The following PACS1 variants were observed in gnomAD, a reference collection of about 807,000 sequenced individuals.
PACS1 encodes phosphofurin acidic cluster sorting protein 1, also known as PACS-1.
In PACS1, 24 loss-of-function variants were observed where a neutral mutation model predicts 115.0. The ratio of observed to expected loss-of-function variants is 0.21; its 90% CI spans 0.15 to 0.29. The LOEUF (loss-of-function observed/expected upper bound fraction) is 0.29, where lower values mean the gene tolerates loss of function less well. Ranked by LOEUF, PACS1 falls within the 10% of genes least tolerant of loss-of-function variation. PACS1 has a pLI of 1.00. For synonymous variants in PACS1, 453 were observed against 504.5 expected (o/e 0.90, Z 1.37); for missense variants, 838 against 1,251.2 (o/e 0.67, Z 4.98).
At position 66,193,510 on chromosome 11, in the gene PACS1, A is replaced by G. The variant is rs116434069; in HGVS notation, c.381A>G (p.Lys127=). The G allele has an allele frequency of 8.1e-6, 13 of 1,613,322 alleles. No homozygotes were observed. The South Asian group carries it at 1.2e-4, about 15-fold the overall frequency. Reference sequence around the variant, plus strand: ...GGCTATTCAGCTTGACCCTGAAGAAACTCGTCATGCTAAAAGAAATGGACA... The same window carrying G: ...GGCTATTCAGCTTGACCCTGAAGAAGCTCGTCATGCTAAAAGAAATGGACA... ...VPRLFSLTLK[K]LVMLKEMDKD... Residue 127 remains lysine, a synonymous_variant, in exon 2 of 24, where the codon AAA becomes AAG. Coordinates refer to ENST00000320580, the MANE Select transcript of PACS1 (RefSeq NM_018026.4).
At chr11:66,087,903 G>T (rs533176469) in intron 1 of PACS1, among the ~76,000 whole-genome samples, 59 of 150,026 alleles carry the variant, frequency 3.9e-4, no homozygotes, top group South Asian at 1.3e-3. Context: ...TTGTTTTTTG[G>T]TTTTTTTTTG....
chr11:66,071,801 T>C (rs1857313897), intron 1 of PACS1, among the ~76,000 whole-genome samples: 1 of 152,208 alleles, frequency 6.6e-6, no homozygotes, highest in Non-Finnish European at 1.5e-5. Flanking sequence ...CAGACGGATG[T>C]GTAAGTCAGA....
chr11:66,151,116 A>G (rs1383564895), intron 1 of PACS1, among the ~76,000 whole-genome samples: 5 of 152,010 alleles, frequency 3.3e-5, no homozygotes, highest in Non-Finnish European at 7.4e-5. Context: ...TGACTATTAA[A>G]CTCTAAATGT....
At chr11:66,220,466 C>G in intron 8 of PACS1, 165 bp from the exon 9 acceptor site, 1 of 656,794 alleles carries the variant, frequency 1.5e-6, no homozygotes, top group Non-Finnish European at 2.6e-6. Context: ...TCCCCGCCCT[C>G]AGGCTGGATC....
chr11:66,114,701 A>T (rs1858265035), intron 1 of PACS1, among the ~76,000 whole-genome samples: 1 of 152,142 alleles, frequency 6.6e-6, no homozygotes, highest in Non-Finnish European at 1.5e-5. Context: ...TGCCTCACTG[A>T]TACTGTAATG....
intron 1 of PACS1, among the ~76,000 whole-genome samples, chr11:66,131,335 T>C (rs1858698827): frequency 1.3e-5 from 2 of 152,348 alleles, no homozygotes; most frequent in South Asian, 4.1e-4. Context: ...AACTCACATT[T>C]CTCTGATTAC....
intron 1 of PACS1, among the ~76,000 whole-genome samples, chr11:66,157,434 T>A (rs780001905): frequency 4.0e-5 from 6 of 151,710 alleles, no homozygotes; most frequent in Non-Finnish European, 7.4e-5. Flanking sequence ...ATGTGGGCCA[T>A]GTTCTGAGAT....
At position 66,165,707 on chromosome 11, in the gene PACS1, C is replaced by A. The variant is rs556772884; in HGVS notation, c.357-27779C>A. 1.5e-3 allele frequency among the ~76,000 whole-genome samples: 219 copies of A among 147,460 alleles called. 2 individuals carry two copies. The highest frequency in any genetic ancestry group is 5.4e-3 in the African/African-American group (215 of 39,682). ...TTGGAGTTTTTCTATTTGCCCCATA[C>A]CCTGTGGGTATTTATATATATATGT... On this transcript the variant is annotated intron_variant, in intron 1 of 23. Transcript: ENST00000320580.
intron 1 of PACS1, among the ~76,000 whole-genome samples, chr11:66,184,487 C>T (rs186437866): frequency 1.5e-4 from 23 of 152,274 alleles, no homozygotes; most frequent in African/African-American, 4.3e-4. Flanking sequence ...CCTACAGTCA[C>T]GTATAAACTA....
rs777862656 is a variant in PACS1, at chr11:66,232,183, G to A, written c.1638G>A (p.Lys546=). The A allele has an allele frequency of 6.2e-7, 1 of 1,611,462 alleles. No individual in the cohort carries two copies. The highest frequency in any genetic ancestry group is 8.5e-7 in the Non-Finnish European group (1 of 1,177,570). The stretch of plus-strand genomic sequence containing the variant: ...TTTTGTTCCTGCAGATTCCAAGAAA[G>A]GTGGTGTATGACCAGCTCAATCAGA... The part of the protein sequence containing the change: ...DLGHSTQIPR[K]VVYDQLNQIL... The change falls in exon 14 of 24, where the codon AAG becomes AAA. Residue 546 remains lysine, a synonymous_variant. Coordinates refer to ENST00000320580, the MANE Select transcript of PACS1 (RefSeq NM_018026.4).
At chr11:66,138,686 CT>C (rs34344453) in intron 1 of PACS1, among the ~76,000 whole-genome samples, 102 of 144,122 alleles carry the variant, frequency 7.1e-4, no homozygotes, top group Middle Eastern at 3.6e-3. Flanking sequence ...GCTGTCTGCA[CT>C]TTTTTTTTTT....
chr11:66,230,604 G>C lies in PACS1; in HGVS notation c.1431G>C (p.Glu477Asp). 6.2e-7 allele frequency: 1 copy of C among 1,614,162 alleles called. No homozygotes were observed. Among genetic ancestry groups the C allele is most frequent in the Non-Finnish European group, 8.5e-7 (1 of 1,180,014 alleles). ...CCAGCACGAGTCTGGTTGTGCCGGA[G>C]AAAGTCAAAACTCCCATGAAGTCCA... Reference protein sequence around the residue: ...GDASTSLVVPEKVKTPMKSSK... With the variant: ...GDASTSLVVPDKVKTPMKSSK... Residue 477 changes from glutamate to aspartate, a missense_variant, in exon 12 of 24, where the codon GAG (glutamate) becomes GAC (aspartate). Coordinates refer to ENST00000320580, the MANE Select transcript of PACS1 (RefSeq NM_018026.4).
chr11:66,209,223 G>T (rs1340096457), intron 2 of PACS1, among the ~76,000 whole-genome samples: 1 of 151,968 alleles, frequency 6.6e-6, no homozygotes, highest in Non-Finnish European at 1.5e-5. Flanking sequence ...CATCCAAGAA[G>T]AGAAGAAAAG....
At chr11:66,082,770 G>A (rs991845697) in intron 1 of PACS1, among the ~76,000 whole-genome samples, 3 of 152,142 alleles carry the variant, frequency 2.0e-5, no homozygotes, top group African/African-American at 7.2e-5. Flanking sequence ...CAGGAGAATC[G>A]CTTGAACCCG....
At chr11:66,121,071 A>G (rs1443255589) in intron 1 of PACS1, 1 of 456,218 alleles carries the variant, frequency 2.2e-6, no homozygotes, top group Non-Finnish European at 4.4e-6. Flanking sequence ...ACGTTGAGTA[A>G]GTCTGTCGGC....
At chr11:66,126,518 G>A (rs1858575922) in intron 1 of PACS1, among the ~76,000 whole-genome samples, 1 of 152,144 alleles carries the variant, frequency 6.6e-6, no homozygotes, top group African/African-American at 2.4e-5. Flanking sequence ...TAAATTACTG[G>A]TCTGTCCCTA....
chr11:66,140,357 A>G (rs953306342), intron 1 of PACS1, among the ~76,000 whole-genome samples: 4 of 152,166 alleles, frequency 2.6e-5, no homozygotes, highest in Non-Finnish European at 4.4e-5. Context: ...TGGAGAAGTT[A>G]TTCATGGATT....
chr11:66,149,353 A>G (rs756376112), intron 1 of PACS1, among the ~76,000 whole-genome samples: 156 of 152,072 alleles, frequency 1.0e-3, no homozygotes, highest in Non-Finnish European at 1.5e-3. Flanking sequence ...CGGCCTCCCA[A>G]AGTGCTGGGA....
intron 19 of PACS1, among the ~76,000 whole-genome samples, chr11:66,237,523 A>G (rs531030262): frequency 2.0e-5 from 3 of 152,292 alleles, no homozygotes; most frequent in African/African-American, 7.2e-5. Flanking sequence ...GAGCTGGGGA[A>G]ATCCAGCAGC....
Sources: gnomAD v4.1 joint callset for allele counts (sites outside exome capture counted in the v4.1 genomes callset) on GRCh38, gnomAD v4.1.1 for gene constraint, MANE v1.5 for transcripts, NCBI Gene and HGNC (gene_info 2026-07-23, HGNC 2026-07-21) for gene names.